DLGAP3: variants seen among roughly 807,000 people sequenced by gnomAD.
DLGAP3 encodes DLG associated protein 3.
A neutral mutation model predicts 81.2 loss-of-function variants in DLGAP3; 17 were observed. The observed-to-expected ratio is 0.21, with a 90% CI of 0.14 to 0.31. The LOEUF (loss-of-function observed/expected upper bound fraction) is 0.31. Among genes scored for constraint, DLGAP3 ranks in the 10% least tolerant of loss-of-function variants. The probability of loss-of-function intolerance (pLI) is 1.00; values close to 1 mark genes in which losing one functional copy is unlikely to be tolerated. For synonymous variants in DLGAP3, 577 were observed against 587.4 expected (o/e 0.98, Z 0.26); for missense variants, 1,124 against 1,388.0 (o/e 0.81, Z 3.02).
chr1:34,870,077 G>A (rs1489387267), intron 8 of DLGAP3, among the ~76,000 whole-genome samples: 2 of 152,228 alleles, frequency 1.3e-5, no homozygotes, highest in Non-Finnish European at 2.9e-5. Flanking sequence ...GACACAGTAA[G>A]TCAGTGCCAG....
At chr1:34,892,027 C>CA (rs1218399757) in intron 5 of DLGAP3, among the ~76,000 whole-genome samples, 4 of 152,116 alleles carry the variant, frequency 2.6e-5, no homozygotes, top group Non-Finnish European at 4.4e-5. Flanking sequence ...TGCATATCCC[C>CA]AAATGTTGCT....
rs924416590 is a variant in DLGAP3 at position 34,895,122 on chromosome 1, C to T, written c.1386+4547G>A. ...TTGGCTCATGCCTGTAATCCCAGAA[C>T]TTTGGGAGGCCAAGGCAGGCGGATG... On this transcript the variant is annotated intron_variant, in intron 5 of 11. Coordinates refer to ENST00000373347, the MANE Select transcript of DLGAP3 (RefSeq NM_001080418.3). The surrounding 1 kb of genome is among the most constrained non-coding windows in gnomAD (Gnocchi z 4.5). 1.3e-5 allele frequency among the ~76,000 whole-genome samples: 2 copies of T among 152,126 alleles called. No homozygotes were observed. The highest frequency in any genetic ancestry group is 2.9e-5 in the Non-Finnish European group (2 of 68,022).
Position 34,886,123 on chromosome 1 carries a change from A to G in DLGAP3, c.1549T>C (p.Cys517Arg). The change falls in exon 6 of 12, where the codon TGC (cysteine) becomes CGC (arginine). Residue 517 changes from cysteine (C) to arginine (R), a missense_variant. Cys to Arg is a radical substitution (Grantham distance 180, BLOSUM62 -3). Around this residue, in one of 9 missense-constraint regions of DLGAP3, gnomAD observed 11 missense variants for 35.2 expected, o/e 0.31. Coordinates refer to ENST00000373347, the MANE Select transcript of DLGAP3 (RefSeq NM_001080418.3). ...GCAGGGGTAGCGAGGAGGGGCAGGC[A>G]GTCGTCGTCTTGAGAGCAGCCGGCC... ...IQAGCSQDDD[C>R]LPLLATPAAV... The G allele has an allele frequency of 6.2e-7, 1 of 1,607,492 alleles. No individual in the cohort carries two copies. The highest frequency in any genetic ancestry group is 8.5e-7 in the Non-Finnish European group (1 of 1,178,126).
At chr1:34,925,185 C>T (rs973163391) in intron 1 of DLGAP3, among the ~76,000 whole-genome samples, 1 of 98,920 alleles carries the variant, frequency 1.0e-5, no homozygotes, top group East Asian at 3.7e-4. Flanking sequence ...ACCTGACAAC[C>T]CCCCCCCCAC....
At chr1:34,884,471 A>G (rs1639189447) in intron 8 of DLGAP3, among the ~76,000 whole-genome samples, 1 of 151,862 alleles carries the variant, frequency 6.6e-6, no homozygotes, top group East Asian at 1.9e-4. Context: ...TCTCAGGTAC[A>G]CCACAGACTC....
At chr1:34,892,894 C>T (rs577066516) in intron 5 of DLGAP3, among the ~76,000 whole-genome samples, 7 of 152,242 alleles carry the variant, frequency 4.6e-5, no homozygotes, top group Non-Finnish European at 5.9e-5. Flanking sequence ...AACACACGGC[C>T]GGGCGCGGTG....
chr1:34,905,833 G>C (rs989204629), intron 2 of DLGAP3, among the ~76,000 whole-genome samples: 1 of 151,522 alleles, frequency 6.6e-6, no homozygotes, highest in Non-Finnish European at 1.5e-5. Context: ...GCAAGACCCT[G>C]TCTCTACAAA....
chr1:34,910,320 A>G (rs1183615477), intron 1 of DLGAP3, among the ~76,000 whole-genome samples: 1 of 152,194 alleles, frequency 6.6e-6, no homozygotes, highest in Non-Finnish European at 1.5e-5. Flanking sequence ...TCCTGCCTGC[A>G]TGTCTGCACG....
intron 4 of DLGAP3, 92 bp downstream of exon 4, chr1:34,899,976 C>T: frequency 4.3e-6 from 5 of 1,170,878 alleles, no homozygotes; most frequent in Non-Finnish European, 6.2e-6. Flanking sequence ...CTAAGCAGGA[C>T]TACCTGACTG....
Position 34,885,466 on chromosome 1 carries a change from C to T in DLGAP3, c.1914+12G>A, listed in dbSNP as rs746697714. The T allele has an allele frequency of 1.2e-6, 2 of 1,605,356 alleles. No individual in the cohort carries two copies. Among genetic ancestry groups the T allele is most frequent in the Non-Finnish European group, 1.7e-6 (2 of 1,179,648 alleles). The stretch of plus-strand genomic sequence containing the variant: ...GGGTCAGAGCCCTCGTGGGCGCCTC[C>T]CCGTTCCATACCTGCACCCCAATGG... On this transcript the variant is annotated intron_variant, in intron 7 of 11. Transcript: ENST00000373347.
rs754183419 is a variant in DLGAP3 at position 34,904,615 on chromosome 1, A to G, written c.769T>C (p.Ser257Pro). The change falls in exon 3 of 12, where the codon TCC (serine) becomes CCC (proline). Residue 257 changes from serine (S) to proline (P), a missense_variant. Around this residue, in one of 9 missense-constraint regions of DLGAP3, gnomAD observed 357 missense variants for 408.8 expected, o/e 0.87. Transcript: ENST00000373347. This position sits in a 1 kb window ranked among gnomAD's most constrained non-coding sequence, Gnocchi z 8.1. Reference sequence around the variant, plus strand: ...TCATCGGAACTCCACCAGCCTGTGGACTTGGCCTGGTGCCGCCCATCCCCC... The same window carrying G: ...TCATCGGAACTCCACCAGCCTGTGGGCTTGGCCTGGTGCCGCCCATCCCCC... ...RKGDGRHQAKSTGWWSSDDNL... is the reference protein window; with the variant it reads ...RKGDGRHQAKPTGWWSSDDNL... 1 of 1,614,054 alleles carries G rather than the reference A, an allele frequency of 6.2e-7. No homozygotes were observed. Among genetic ancestry groups the G allele is most frequent in the East Asian group, 2.2e-5 (1 of 44,884 alleles).
Position 34,868,048 on chromosome 1 carries a change from G to A in DLGAP3, c.2486-421C>T, listed in dbSNP as rs1339494827. Reference sequence around the variant, plus strand: ...TTTAAGAATGACCAAGTAATTTCATGTACATAACACATCTTCATAGCCACT... The same window carrying A: ...TTTAAGAATGACCAAGTAATTTCATATACATAACACATCTTCATAGCCACT... On this transcript the variant is annotated intron_variant, in intron 9 of 11. Coordinates refer to ENST00000373347, the MANE Select transcript of DLGAP3 (RefSeq NM_001080418.3). The surrounding 1 kb of genome is among the most constrained non-coding windows in gnomAD (Gnocchi z 7.5). Among the ~76,000 whole-genome samples the A allele has an allele frequency of 6.6e-6, 1 of 152,144 alleles. No homozygotes were observed. The highest frequency in any genetic ancestry group is 1.5e-5 in the Non-Finnish European group (1 of 68,020).
At chr1:34,916,162 G>A (rs925703325) in intron 1 of DLGAP3, among the ~76,000 whole-genome samples, 4 of 152,156 alleles carry the variant, frequency 2.6e-5, no homozygotes, top group African/African-American at 9.7e-5. Context: ...GGGAGAAACA[G>A]GGGAGAAAAG....
chr1:34,899,751 G>A lies in DLGAP3; in HGVS notation c.1314-10C>T, dbSNP rs1402146992. 6.2e-7 allele frequency: 1 copy of A among 1,613,560 alleles called. No individual in the cohort carries two copies. Among genetic ancestry groups the A allele is most frequent in the Non-Finnish European group, 8.5e-7 (1 of 1,179,650 alleles). On this transcript the variant is annotated splice_polypyrimidine_tract_variant and intron_variant, in intron 4 of 11. Transcript: ENST00000373347. ...GGGTGGGACACAGCAGCTGGAAAAG[G>A]GCAAAATTCCGGAGTCAGAACAGTG...
At chr1:34,921,545 G>A (rs546972109) in intron 1 of DLGAP3, among the ~76,000 whole-genome samples, 1 of 152,266 alleles carries the variant, frequency 6.6e-6, no homozygotes, top group African/African-American at 2.4e-5. Context: ...CTCCTTATTT[G>A]GTTCCAGGTC....
At chr1:34,886,377 T>A (rs1321953679) in intron 5 of DLGAP3, 92 bp from the exon 6 acceptor site, 10 of 1,214,978 alleles carry the variant, frequency 8.2e-6, no homozygotes, top group African/African-American at 3.0e-5. Context: ...GACCTCTCTA[T>A]ATCTGCAGAG....
chr1:34,875,567 G>C (rs939104024), intron 8 of DLGAP3, among the ~76,000 whole-genome samples: 2 of 152,314 alleles, frequency 1.3e-5, no homozygotes, highest in South Asian at 2.1e-4. Context: ...AGGTCTGTCT[G>C]GGAGGAATTA....
At chr1:34,903,696 C>T (rs1639498519) in intron 3 of DLGAP3, among the ~76,000 whole-genome samples, 1 of 152,198 alleles carries the variant, frequency 6.6e-6, no homozygotes, top group Non-Finnish European at 1.5e-5. Context: ...TGTCCCCCAG[C>T]CTAGGAAAAC....
In DLGAP3 at chr1:34,906,016, T is replaced by TTATATATATATA. The variant is rs150603784; in HGVS notation, c.-51-594_-51-583dup. Among the ~76,000 whole-genome samples the TTATATATATATA allele has an allele frequency of 2.9e-3, 190 of 64,794 alleles. 34 individuals carry two copies. The East Asian group carries it at 0.051, about 17-fold the overall frequency. The allele number at this position is 64,794 out of a possible 152,430, so 42.5% of individuals were successfully genotyped here. Reference sequence around the variant, plus strand: ...ACAGAGCGAGACCTGGCCTCTAAATTTATATATATATATATATTTGTTTGT... The same window carrying TTATATATATATA: ...ACAGAGCGAGACCTGGCCTCTAAATTTATATATATATATATATATATATATATATTTGTTTGT... On this transcript the variant is annotated intron_variant, in intron 2 of 11. Transcript: ENST00000373347.
Sources: allele counts gnomAD v4.1 joint callset (sites outside exome capture counted in the v4.1 genomes callset), GRCh38; gene constraint gnomAD v4.1.1; regional missense constraint gnomAD v4.1.1; non-coding constraint Gnocchi (gnomAD v3.1); transcripts MANE v1.5; gene names NCBI Gene and HGNC (gene_info 2026-07-23, HGNC 2026-07-21).